The following EXOC5 variants were observed in gnomAD, a reference collection of about 807,000 sequenced individuals.
EXOC5 encodes the protein exocyst complex component 5, also known as SEC10-like 1.
In EXOC5, 17 loss-of-function variants were observed where a neutral mutation model predicts 90.8. That is an observed-to-expected ratio of 0.19 (90% confidence interval 0.13 to 0.28). EXOC5 has a LOEUF of 0.28. EXOC5 is among the 10% of genes least tolerant of loss of function. EXOC5 has a pLI of 1.00. For missense variants in EXOC5, 569 were observed against 830.6 expected (o/e 0.69, Z 3.87); for synonymous variants, 260 against 270.0 (o/e 0.96, Z 0.36).
At chr14:57,214,183 C>G (rs150995700) in intron 15 of EXOC5, among the ~76,000 whole-genome samples, 1 of 151,974 alleles carries the variant, frequency 6.6e-6, no homozygotes, top group African/African-American at 2.4e-5. Flanking sequence ...ACACACATGC[C>G]ATTTTATTAT....
chr14:57,265,331 C>T (rs987801915), intron 1 of EXOC5, among the ~76,000 whole-genome samples: 5 of 152,052 alleles, frequency 3.3e-5, no homozygotes, highest in South Asian at 2.1e-4. Context: ...CAGAGAAAAG[C>T]GAAGATTCTT....
chr14:57,265,831 G>A (rs1884654500), intron 1 of EXOC5, among the ~76,000 whole-genome samples: 1 of 152,202 alleles, frequency 6.6e-6, no homozygotes, highest in Non-Finnish European at 1.5e-5. Flanking sequence ...ATCCTGAGGA[G>A]ATTTTAAAAC....
intron 12 of EXOC5, among the ~76,000 whole-genome samples, chr14:57,228,190 CA>C (rs1469837407): frequency 6.6e-6 from 1 of 152,038 alleles, no homozygotes; most frequent in Non-Finnish European, 1.5e-5. Flanking sequence ...AATCATTAAA[CA>C]GTCAGGAAAC....
chr14:57,223,792 T>C (rs74332679), intron 12 of EXOC5, among the ~76,000 whole-genome samples: 1,926 of 152,206 alleles, frequency 0.013, 42 homozygotes, highest in African/African-American at 0.043. Flanking sequence ...ACAAAAAAGA[T>C]GGACCATATT....
At chr14:57,239,799 A>T (rs369527292) in intron 4 of EXOC5, 140 bp from the exon 5 acceptor site, 4 of 548,388 alleles carry the variant, frequency 7.3e-6, no homozygotes, top group South Asian at 5.7e-5. Context: ...AAAATCCACA[A>T]CAAATAAAAC....
At chr14:57,242,303 G>T (rs189594672) in intron 4 of EXOC5, among the ~76,000 whole-genome samples, 2 of 151,884 alleles carry the variant, frequency 1.3e-5, no homozygotes, top group South Asian at 4.2e-4. Context: ...GGAGTGCAGT[G>T]TGGCAGTCAC....
At chr14:57,226,095 T>C (rs991169134) in intron 12 of EXOC5, among the ~76,000 whole-genome samples, 7 of 152,224 alleles carry the variant, frequency 4.6e-5, no homozygotes, top group Admixed American at 4.6e-4. Context: ...GAGGGATGAC[T>C]TGAGTTCTCT....
At chr14:57,232,076 C>G (rs571484071) in intron 10 of EXOC5, 1 of 177,300 alleles carries the variant, frequency 5.6e-6, no homozygotes, top group South Asian at 1.4e-4. Context: ...TCTGTTCACC[C>G]TCTTTTGTTT....
intron 12 of EXOC5, among the ~76,000 whole-genome samples, chr14:57,226,944 C>T (rs1235977001): frequency 1.3e-5 from 2 of 152,036 alleles, no homozygotes; most frequent in Non-Finnish European, 2.9e-5. Context: ...ACCAAAATCA[C>T]CATCCAGAAC....
In EXOC5 at chr14:57,201,446, GTATA is replaced by G. The variant is rs553262367; in HGVS notation, c.*7159_*7162del. On this transcript the variant is annotated 3_prime_UTR_variant, in exon 18 of 18. Transcript: ENST00000621441. Reference sequence around the variant, plus strand: ...TATATATATACACACACACACGTGTGTATATATACACACGCGTGTATATGTACAC... The same window carrying G: ...TATATATATACACACACACACGTGTGTATACACACGCGTGTATATGTACAC... The G allele has an allele frequency of 5.6e-3, 797 of 142,118 alleles. 11 individuals are homozygous for G. The highest frequency in any genetic ancestry group is 0.02 in the African/African-American group (728 of 36,930). 8.8% of individuals were successfully genotyped at this position (142,118 alleles called of 1,614,324 possible).
chr14:57,240,266 A>G (rs1883820379), intron 4 of EXOC5, among the ~76,000 whole-genome samples: 1 of 150,768 alleles, frequency 6.6e-6, no homozygotes, highest in Admixed American at 6.6e-5. Flanking sequence ...ATATCTCTTA[A>G]GGCCACAGAT....
At chr14:57,226,097 G>C (rs1453315468) in intron 12 of EXOC5, among the ~76,000 whole-genome samples, 1 of 152,178 alleles carries the variant, frequency 6.6e-6, no homozygotes, top group Non-Finnish European at 1.5e-5. Context: ...GGGATGACTT[G>C]AGTTCTCTCC....
At chr14:57,222,693 C>G (rs1277492434) in intron 12 of EXOC5, among the ~76,000 whole-genome samples, 1 of 150,032 alleles carries the variant, frequency 6.7e-6, no homozygotes, top group Non-Finnish European at 1.5e-5. Flanking sequence ...AAAATGTATA[C>G]CCCCATATAT....
intron 3 of EXOC5, among the ~76,000 whole-genome samples, chr14:57,246,210 G>A (rs1262690520): frequency 6.6e-6 from 1 of 152,128 alleles, no homozygotes; most frequent in Non-Finnish European, 1.5e-5. Flanking sequence ...ACAGATCAAG[G>A]CAGTTTTTCC....
chr14:57,249,536 A>C (rs1884127172), intron 1 of EXOC5, among the ~76,000 whole-genome samples: 1 of 152,224 alleles, frequency 6.6e-6, no homozygotes, highest in South Asian at 2.1e-4. Context: ...ACCTGAAAAT[A>C]TAGTATTCCT....
At chr14:57,227,943 T>TAC (rs575026079) in intron 12 of EXOC5, among the ~76,000 whole-genome samples, 209 of 123,644 alleles carry the variant, frequency 1.7e-3, no homozygotes, top group Middle Eastern at 7.5e-3. Flanking sequence ...TACATATATA[T>TAC]ATACACACAC....
At position 57,208,299 on chromosome 14, in the gene EXOC5, C is replaced by T. The variant is rs1882718214; in HGVS notation, c.*310G>A. The T allele has an allele frequency of 4.5e-6, 1 of 221,902 alleles. No individual in the cohort carries two copies. Among genetic ancestry groups the T allele is most frequent in the Admixed American group, 5.5e-5 (1 of 18,122 alleles). 13.7% of individuals were successfully genotyped at this position (221,902 alleles called of 1,614,324 possible). A position where few individuals can be genotyped will look rare whatever the true frequency, so the allele number is the denominator to read the frequency against. The stretch of plus-strand genomic sequence containing the variant: ...GAAAACACTGGTAACATTTCCTTTG[C>T]CTTCTGACAGCAACATTTTCTAGGA... On this transcript the variant is annotated 3_prime_UTR_variant, in exon 18 of 18. Transcript: ENST00000621441.
rs555129975 is a variant in EXOC5 at position 57,261,731 on chromosome 14, G to A, written c.27+6891C>T. 6.6e-5 allele frequency among the ~76,000 whole-genome samples: 10 copies of A among 152,342 alleles called. No individual in the cohort carries two copies. The South Asian group carries it at 2.1e-3, about 32-fold the overall frequency. ...GGCTGCTCAACTTGGCTAGAAGATA[G>A]TCTTCCAAGATGGCAAGTTGGTGTT... On this transcript the variant is annotated intron_variant, in intron 1 of 17. Transcript: ENST00000621441.
chr14:57,244,712 G>A (rs1238424422), intron 3 of EXOC5, among the ~76,000 whole-genome samples: 1 of 152,104 alleles, frequency 6.6e-6, no homozygotes, highest in Non-Finnish European at 1.5e-5. Flanking sequence ...CATCTAAAGA[G>A]CTCTCTTGCT....
Sources: gnomAD v4.1 joint callset for allele counts (sites outside exome capture counted in the v4.1 genomes callset) on GRCh38, gnomAD v4.1.1 for gene constraint, MANE v1.5 for transcripts, NCBI Gene and HGNC (gene_info 2026-07-23, HGNC 2026-07-21) for gene names.